MEIS2: variants seen among roughly 807,000 people sequenced by gnomAD.
The protein encoded by MEIS2 is homeobox protein Meis2.
In MEIS2, 9 loss-of-function variants were observed where a neutral mutation model predicts 58.6. The observed-to-expected ratio is 0.15, with a 90% CI of 0.09 to 0.27. The LOEUF (loss-of-function observed/expected upper bound fraction) is 0.27. Among genes scored for constraint, MEIS2 ranks in the 10% least tolerant of loss-of-function variants. The pLI is 1.00. For synonymous variants in MEIS2, 221 were observed against 228.4 expected, an observed-to-expected ratio of 0.97 and a Z score of 0.29; for missense variants, 427 against 635.0, an observed-to-expected ratio of 0.67 and a Z score of 3.52.
At chr15:37,083,934 T>A (rs1424168846) in intron 6 of MEIS2, 49 bp from the exon 7 acceptor site, 1 of 1,545,886 alleles carries the variant, frequency 6.5e-7, no homozygotes, top group Admixed American at 1.7e-5. Flanking sequence ...ATTTCAGCCA[T>A]CAATGAAGAA....
intron 8 of MEIS2, among the ~76,000 whole-genome samples, chr15:36,998,738 A>G (rs2060618558): frequency 1.3e-5 from 2 of 152,318 alleles, no homozygotes; most frequent in East Asian, 3.9e-4. Flanking sequence ...AGGACTTCAT[A>G]AACTGCTTGA....
chr15:37,058,060 A>G (rs1888684009), intron 7 of MEIS2, among the ~76,000 whole-genome samples: 1 of 152,188 alleles, frequency 6.6e-6, no homozygotes, highest in Non-Finnish European at 1.5e-5. Flanking sequence ...CTCAGGTTAC[A>G]GCCCTGTACA....
intron 8 of MEIS2, among the ~76,000 whole-genome samples, chr15:36,984,195 G>T (rs975690742): frequency 2.0e-5 from 3 of 151,994 alleles, no homozygotes; most frequent in Non-Finnish European, 4.4e-5. Flanking sequence ...AATAGAAGTG[G>T]TGGGAGTGAG....
rs1268656786 is a variant in MEIS2 at position 36,890,521 on chromosome 15, C to T, written c.*1652G>A. The T allele has an allele frequency of 1.3e-5, 2 of 152,070 alleles. No individual in the cohort carries two copies. The highest frequency in any genetic ancestry group is 2.9e-5 in the Non-Finnish European group (2 of 67,988). 9.4% of individuals were successfully genotyped at this position (152,070 alleles called of 1,614,324 possible). On this transcript the variant is annotated 3_prime_UTR_variant, in exon 12 of 12. Coordinates refer to ENST00000561208, the MANE Select transcript of MEIS2 (RefSeq NM_170675.5). ...TAATGATTAAGTAATCTTTTAAAGT[C>T]AGAATTTCAAACTCCATAGAAGTTG...
intron 5 of MEIS2, chr15:37,093,966 T>C (rs1456823762): frequency 1.0e-5 from 5 of 491,554 alleles, no homozygotes; most frequent in Non-Finnish European, 1.8e-5. Flanking sequence ...CAAGTTACAA[T>C]AGAGAGAGAA....
At chr15:37,008,743 G>A (rs1313188760) in intron 8 of MEIS2, among the ~76,000 whole-genome samples, 1 of 152,064 alleles carries the variant, frequency 6.6e-6, no homozygotes, top group African/African-American at 2.4e-5. Flanking sequence ...TTGATTTGGG[G>A]GGAAAAAGAA....
chr15:36,919,577 C>CAA (rs59119561), intron 9 of MEIS2, among the ~76,000 whole-genome samples: 2 of 133,982 alleles, frequency 1.5e-5, no homozygotes, highest in Admixed American at 7.4e-5. Flanking sequence ...AACTCCGTCT[C>CAA]AAAAAAAAAA....
intron 8 of MEIS2, among the ~76,000 whole-genome samples, chr15:36,956,809 T>A (rs1748835385): frequency 1.4e-5 from 2 of 143,654 alleles, no homozygotes; most frequent in South Asian, 4.3e-4. Flanking sequence ...TAGTTCTGAA[T>A]AATAAACATA....
At position 36,990,986 on chromosome 15, in the gene MEIS2, G is replaced by A. The variant is rs1236019253; in HGVS notation, c.901-40586C>T. ...GAGCTTTTGCCTCTTTATTTTCTGT[G>A]AGTCAAGGGCATGTATAACTATTTT... On this transcript the variant is annotated intron_variant, in intron 8 of 11. Transcript: ENST00000561208. 2.6e-5 allele frequency among the ~76,000 whole-genome samples: 4 copies of A among 152,106 alleles called. No homozygotes were observed. In the East Asian group the frequency reaches 7.7e-4, roughly 29 times the overall value.
intron 8 of MEIS2, among the ~76,000 whole-genome samples, chr15:36,983,424 C>T (rs180961018): frequency 3.9e-5 from 6 of 152,008 alleles, no homozygotes; most frequent in African/African-American, 1.4e-4. Context: ...ATTGTGTGTT[C>T]TTGCACCCTT....
intron 8 of MEIS2, among the ~76,000 whole-genome samples, chr15:37,002,495 TG>T (rs1344163746): frequency 6.6e-6 from 1 of 152,194 alleles, no homozygotes; most frequent in Non-Finnish European, 1.5e-5. Flanking sequence ...GGCTGGGTTC[TG>T]ACTCATCTTT....
chr15:36,912,650 C>A lies in MEIS2; in HGVS notation c.978-15964G>T, dbSNP rs781326131. Among the ~76,000 whole-genome samples, 5 of 152,114 alleles carry A rather than the reference C, an allele frequency of 3.3e-5. 1 individual carries two copies. The South Asian group carries it at 1.0e-3, about 32-fold the overall frequency. On this transcript the variant is annotated intron_variant, in intron 9 of 11. Coordinates refer to ENST00000561208, the MANE Select transcript of MEIS2 (RefSeq NM_170675.5). ...AAGTCTCAGGGGCCTTGCAATGAGG[C>A]GACATCAAAGCATTTGGAGATTGCC...
Position 37,020,502 on chromosome 15 carries a change from G to A in MEIS2, c.900+16312C>T, listed in dbSNP as rs140790548. Among the ~76,000 whole-genome samples, 1,113 of 152,140 alleles carry A rather than the reference G, an allele frequency of 7.3e-3. 15 individuals are homozygous for A. The highest frequency in any genetic ancestry group is 0.026 in the African/African-American group (1,059 of 41,486). On this transcript the variant is annotated intron_variant, in intron 8 of 11. Transcript: ENST00000561208. ...TAGCCAACCGAATAGTCCTCCCCAC[G>A]CCTTCTTTGCTCCTCTTTCCTGCCT...
chr15:37,085,143 T>A (rs1305595915), intron 6 of MEIS2, among the ~76,000 whole-genome samples: 4 of 152,140 alleles, frequency 2.6e-5, no homozygotes, highest in African/African-American at 9.7e-5. Flanking sequence ...AATCAAAGTA[T>A]ACAAAGTATA....
chr15:36,975,164 G>A (rs574539478), intron 8 of MEIS2, among the ~76,000 whole-genome samples: 4 of 152,184 alleles, frequency 2.6e-5, no homozygotes, highest in East Asian at 1.9e-4. Flanking sequence ...ATAGTCTTAT[G>A]TTACCAGGTA....
At chr15:37,018,854 C>T (rs992799030) in intron 8 of MEIS2, among the ~76,000 whole-genome samples, 1 of 152,150 alleles carries the variant, frequency 6.6e-6, no homozygotes, top group Non-Finnish European at 1.5e-5. Flanking sequence ...TCCTTAAAAA[C>T]AGGCCAGGGA....
chr15:36,895,417 A>G, intron 10 of MEIS2, 156 bp from the exon 11 acceptor site: 1 of 622,676 alleles, frequency 1.6e-6, no homozygotes, highest in South Asian at 2.0e-5. Flanking sequence ...TTGATGACTG[A>G]GTGAAGGTGT....
intron 9 of MEIS2, among the ~76,000 whole-genome samples, chr15:36,906,790 T>C (rs2056764440): frequency 6.6e-6 from 1 of 152,154 alleles, no homozygotes; most frequent in African/African-American, 2.4e-5. Flanking sequence ...ATAAACTGCC[T>C]GCTGGCTACC....
chr15:36,893,570 A>C (rs889167641), intron 11 of MEIS2, among the ~76,000 whole-genome samples: 4 of 152,234 alleles, frequency 2.6e-5, no homozygotes, highest in African/African-American at 9.6e-5. Flanking sequence ...AATCAAATCA[A>C]GAGAGGATAA....
Sources: allele counts gnomAD v4.1 joint callset (sites outside exome capture counted in the v4.1 genomes callset), GRCh38; gene constraint gnomAD v4.1.1; transcripts MANE v1.5; gene names NCBI Gene and HGNC (gene_info 2026-07-23, HGNC 2026-07-21).